Variants in ATP8B4 observed in about 807,000 individuals in gnomAD.
ATP8B4 encodes the protein ATPase phospholipid transporting 8B4 (putative), also known as probable phospholipid-transporting ATPase IM.
A neutral mutation model predicts 145.6 loss-of-function variants in ATP8B4; 133 were observed. The ratio of observed to expected loss-of-function variants is 0.91; its 90% CI spans 0.79 to 1.05. The LOEUF is 1.05. Ranked by LOEUF, ATP8B4 falls within the 50% of genes least tolerant of loss-of-function variation. ATP8B4 has a pLI of 0.00. For missense variants in ATP8B4, 1,458 were observed against 1,425.2 expected, an observed-to-expected ratio of 1.02 and a Z score of -0.37; for synonymous variants, 507 against 492.9, an observed-to-expected ratio of 1.03 and a Z score of -0.38.
chr15:50,052,922 T>C (rs1162782391), intron 3 of ATP8B4, among the ~76,000 whole-genome samples: 1 of 152,188 alleles, frequency 6.6e-6, no homozygotes, highest in African/African-American at 2.4e-5. Flanking sequence ...CTGAAACATC[T>C]TAAGCAAAGA....
At chr15:50,037,847 ATTATG>A (rs537096902) in intron 6 of ATP8B4, among the ~76,000 whole-genome samples, 38 of 152,330 alleles carry the variant, frequency 2.5e-4, no homozygotes, top group African/African-American at 9.1e-4. Context: ...GTAGGTATTC[ATTATG>A]TTATTAGAAA....
intron 14 of ATP8B4, among the ~76,000 whole-genome samples, chr15:49,940,516 C>A (rs1354299655): frequency 6.6e-6 from 1 of 152,050 alleles, no homozygotes; most frequent in Non-Finnish European, 1.5e-5. Flanking sequence ...ACCCATGTAA[C>A]AAACCTGCAC....
At chr15:49,863,746 C>T (rs2032279406) in intron 26 of ATP8B4, among the ~76,000 whole-genome samples, 1 of 152,116 alleles carries the variant, frequency 6.6e-6, no homozygotes, top group Non-Finnish European at 1.5e-5. Context: ...GCTTGGTACC[C>T]TCAGGCATGG....
intron 23 of ATP8B4, chr15:49,895,783 G>T (rs781705300): frequency 6.6e-6 from 1 of 152,192 alleles, no homozygotes; most frequent in Non-Finnish European, 1.5e-5. Flanking sequence ...GTCATTGAAC[G>T]TTAGTTTCAA....
intron 14 of ATP8B4, among the ~76,000 whole-genome samples, chr15:49,943,132 T>A (rs1287618535): frequency 6.6e-6 from 1 of 151,168 alleles, no homozygotes; most frequent in South Asian, 2.1e-4. Context: ...GGAAAAAAAA[T>A]TCACCAAACA....
At chr15:49,932,455 G>A (rs1358690711) in intron 15 of ATP8B4, among the ~76,000 whole-genome samples, 1 of 151,946 alleles carries the variant, frequency 6.6e-6, no homozygotes, top group Non-Finnish European at 1.5e-5. Context: ...AAAACTTAAA[G>A]CAATTACTTG....
intron 1 of ATP8B4, among the ~76,000 whole-genome samples, chr15:50,130,073 G>A (rs1284951542): frequency 6.6e-6 from 1 of 152,054 alleles, no homozygotes; most frequent in Non-Finnish European, 1.5e-5. Context: ...GACTTCTTTG[G>A]TTCTCTACTC....
At chr15:49,861,418 GTGTGTGTCTGTCTGTC>G (rs2031719512) in intron 27 of ATP8B4, among the ~76,000 whole-genome samples, 1 of 131,926 alleles carries the variant, frequency 7.6e-6, no homozygotes, top group Non-Finnish European at 1.6e-5. Context: ...GTGTGTGTGT[GTGTGTGTCTGTCTGTC>G]TGTCTGTCTG....
chr15:50,048,656 C>T (rs1406836758), intron 3 of ATP8B4, among the ~76,000 whole-genome samples: 8 of 150,532 alleles, frequency 5.3e-5, no homozygotes, highest in Non-Finnish European at 8.8e-5. Flanking sequence ...CGCAGTGAGC[C>T]GGAATTGCAC....
chr15:50,161,631 G>A (rs1437043125), intron 1 of ATP8B4, among the ~76,000 whole-genome samples: 2 of 151,254 alleles, frequency 1.3e-5, no homozygotes, highest in Non-Finnish European at 3.0e-5. Flanking sequence ...AACAAGCAAA[G>A]AGAAAATTAA....
At chr15:50,121,120 AT>A (rs1445746427), upstream of ATP8B4, among the ~76,000 whole-genome samples, 3 of 152,188 alleles carry the variant, frequency 2.0e-5, no homozygotes, top group Admixed American at 6.5e-5. Flanking sequence ...TTTAAAAAAT[AT>A]TTTAAATGTG....
intron 6 of ATP8B4, among the ~76,000 whole-genome samples, chr15:50,022,463 T>A (rs1464899348): frequency 1.3e-5 from 2 of 152,206 alleles, no homozygotes; most frequent in African/African-American, 4.8e-5. Context: ...ATACTCACTA[T>A]CTGCAGAAAT....
intron 1 of ATP8B4, among the ~76,000 whole-genome samples, chr15:50,128,515 A>G (rs556658168): frequency 1.3e-5 from 2 of 152,356 alleles, no homozygotes; most frequent in South Asian, 4.1e-4. Context: ...AGGACCTGGC[A>G]TGGATCCAAG....
At chr15:50,146,497 G>T (rs1410775047) in intron 1 of ATP8B4, among the ~76,000 whole-genome samples, 1 of 152,152 alleles carries the variant, frequency 6.6e-6, no homozygotes, top group Non-Finnish European at 1.5e-5. Context: ...ATATTCTAAG[G>T]ATAATAATTA....
intron 2 of ATP8B4, among the ~76,000 whole-genome samples, chr15:50,083,946 T>C (rs1253923837): frequency 2.0e-5 from 3 of 152,078 alleles, no homozygotes; most frequent in African/African-American, 7.2e-5. Flanking sequence ...CCCACAGATA[T>C]GTGCACAGCA....
At chr15:50,141,945 T>C (rs180798923) in intron 1 of ATP8B4, among the ~76,000 whole-genome samples, 3 of 152,308 alleles carry the variant, frequency 2.0e-5, no homozygotes, top group Admixed American at 1.3e-4. Context: ...GCAACTTCTC[T>C]GCTTGAGGAG....
chr15:50,132,964 G>A (rs1414052754), intron 1 of ATP8B4, among the ~76,000 whole-genome samples: 1 of 137,988 alleles, frequency 7.2e-6, no homozygotes, highest in Non-Finnish European at 1.6e-5. Flanking sequence ...CTGTTGAGGG[G>A]TGGTGGGCTA....
intron 9 of ATP8B4, 67 bp downstream of exon 9, chr15:49,996,610 A>C: frequency 5.6e-6 from 7 of 1,245,806 alleles, no homozygotes; most frequent in Non-Finnish European, 7.9e-6. Flanking sequence ...ATTGGATCTC[A>C]CATTACTTTG....
At chr15:49,973,612 C>T (rs2045381374) in intron 12 of ATP8B4, among the ~76,000 whole-genome samples, 1 of 148,272 alleles carries the variant, frequency 6.7e-6, no homozygotes, top group Non-Finnish European at 1.5e-5. Context: ...GCATCACATT[C>T]TAATTACATA....
Sources: allele counts gnomAD v4.1 joint callset (sites outside exome capture counted in the v4.1 genomes callset), GRCh38; gene constraint gnomAD v4.1.1; transcripts MANE v1.5; gene names NCBI Gene and HGNC (gene_info 2026-07-23, HGNC 2026-07-21).